Variants in MTMR7 observed in about 807,000 individuals in gnomAD.
MTMR7 encodes the protein myotubularin related protein 7.
A neutral mutation model predicts 81.2 loss-of-function variants in MTMR7; 76 were observed. That is an observed-to-expected ratio of 0.94 (90% CI 0.78 to 1.13). The LOEUF is 1.13. Ranked by LOEUF, MTMR7 falls within the 50% of genes most tolerant of loss-of-function variation. The probability of loss-of-function intolerance (pLI) is 0.00; values close to 1 mark genes in which losing one functional copy is unlikely to be tolerated. For missense variants in MTMR7, 1,044 were observed against 820.0 expected (o/e 1.27, Z -3.34); for synonymous variants, 372 against 289.8 (o/e 1.28, Z -2.88).
intron 10 of MTMR7, among the ~76,000 whole-genome samples, chr8:17,307,712 A>G (rs1474004652): frequency 2.6e-5 from 4 of 152,234 alleles, no homozygotes; most frequent in African/African-American, 7.2e-5. Context: ...AGCCATAAAA[A>G]ATGATGAGTT....
chr8:17,309,804 C>T (rs776545089), intron 9 of MTMR7, among the ~76,000 whole-genome samples: 2 of 152,128 alleles, frequency 1.3e-5, no homozygotes, highest in Non-Finnish European at 2.9e-5. Flanking sequence ...TTACCAACCT[C>T]TTTACAAAAA....
intron 4 of MTMR7, 39 bp from the exon 5 acceptor site, chr8:17,349,120 A>G: frequency 6.2e-7 from 1 of 1,600,130 alleles, no homozygotes; most frequent in South Asian, 1.1e-5. Flanking sequence ...TAGGCCATCT[A>G]GTAATGCCCT....
chr8:17,405,168 T>G (rs972674771), intron 1 of MTMR7, among the ~76,000 whole-genome samples: 1 of 152,224 alleles, frequency 6.6e-6, no homozygotes, highest in African/African-American at 2.4e-5. Context: ...TTATTTATTA[T>G]AGTGACAATA....
intron 13 of MTMR7, 84 bp downstream of exon 13, chr8:17,302,070 A>C: frequency 6.4e-7 from 1 of 1,558,864 alleles, no homozygotes; most frequent in Non-Finnish European, 8.8e-7. Flanking sequence ...TTTGTATTGC[A>C]CTGAATCTTA....
At chr8:17,301,351 C>T (rs1239898509) in intron 13 of MTMR7, among the ~76,000 whole-genome samples, 2 of 152,162 alleles carry the variant, frequency 1.3e-5, no homozygotes. Flanking sequence ...AACATTTTAA[C>T]AGGACTGTGA....
chr8:17,335,579 T>A (rs1819211631), intron 6 of MTMR7, among the ~76,000 whole-genome samples: 1 of 152,180 alleles, frequency 6.6e-6, no homozygotes, highest in Non-Finnish European at 1.5e-5. Flanking sequence ...TACAAGCTGA[T>A]CTTGGCAGGA....
chr8:17,341,859 A>G (rs1819416749), intron 5 of MTMR7, among the ~76,000 whole-genome samples: 1 of 152,200 alleles, frequency 6.6e-6, no homozygotes. Context: ...TCTCAAATGC[A>G]TAGGATACGA....
chr8:17,371,173 A>C lies in MTMR7; in HGVS notation c.174T>G (p.Ile58Met). 1 of 1,614,148 alleles carries C rather than the reference A, an allele frequency of 6.2e-7. No homozygotes were observed. The highest frequency in any genetic ancestry group is 8.5e-7 in the Non-Finnish European group (1 of 1,180,012). The change falls in exon 3 of 14, where the codon ATT (isoleucine) becomes ATG (methionine). Residue 58 changes from isoleucine (I) to methionine (M), a missense_variant. Transcript: ENST00000180173. Reference protein sequence around the residue: ...TWILHSQISTIEKQATTATGC... With the variant: ...TWILHSQISTMEKQATTATGC... The stretch of plus-strand genomic sequence containing the variant: ...CGGTAGCGGTTGTTGCCTGTTTCTC[A>C]ATGGTGGAAATCTGACTGTGAAGAA...
At chr8:17,359,079 T>G (rs1257165909) in intron 4 of MTMR7, among the ~76,000 whole-genome samples, 2 of 151,966 alleles carry the variant, frequency 1.3e-5, no homozygotes, top group African/African-American at 4.8e-5. Flanking sequence ...ATTGCTTTTG[T>G]GGGAATGGGG....
chr8:17,327,185 T>C (rs1471328749), intron 7 of MTMR7, among the ~76,000 whole-genome samples: 2 of 152,240 alleles, frequency 1.3e-5, no homozygotes, highest in Admixed American at 6.5e-5. Context: ...GTAAAATTAA[T>C]CAGTCTACTA....
chr8:17,413,336 G>C lies in MTMR7; in HGVS notation c.-44C>G. The C allele has an allele frequency of 6.6e-7, 1 of 1,509,796 alleles. No individual in the cohort carries two copies. Among genetic ancestry groups the C allele is most frequent in the Non-Finnish European group, 8.9e-7 (1 of 1,128,816 alleles). 93.5% of individuals were successfully genotyped at this position (1,509,796 alleles called of 1,614,324 possible). A position where few individuals can be genotyped will look rare whatever the true frequency, so the allele number is the denominator to read the frequency against. On this transcript the variant is annotated 5_prime_UTR_variant, in exon 1 of 14. Coordinates refer to ENST00000180173, the MANE Select transcript of MTMR7 (RefSeq NM_004686.5). The stretch of plus-strand genomic sequence containing the variant: ...GGGTCCCGGGCGGGCGCGGCCTCAC[G>C]CACCTGCGCGCCTCTGCGGCGCGAT...
rs183643348 is a variant in MTMR7, at chr8:17,403,140, T to C, written c.24+10129A>G. On this transcript the variant is annotated intron_variant, in intron 1 of 13. Transcript: ENST00000180173. ...AGTTGTTTGAGCCCCTTATATATTC[T>C]GGTTATTACTCCCTTGTCAGATGGA... 2.5e-4 allele frequency among the ~76,000 whole-genome samples: 38 copies of C among 152,338 alleles called. No homozygotes were observed. The East Asian group carries it at 7.3e-3, about 29-fold the overall frequency.
intron 1 of MTMR7, among the ~76,000 whole-genome samples, chr8:17,403,483 T>G (rs925647207): frequency 6.6e-6 from 1 of 152,158 alleles, no homozygotes; most frequent in African/African-American, 2.4e-5. Context: ...ACGGTAGCTC[T>G]GTAGTATAAT....
At chr8:17,339,344 G>C (rs541722133) in intron 6 of MTMR7, among the ~76,000 whole-genome samples, 1 of 152,196 alleles carries the variant, frequency 6.6e-6, no homozygotes, top group East Asian at 1.9e-4. Flanking sequence ...CCACAGAGTT[G>C]TGCAACCATC....
chr8:17,313,440 ACT>A (rs765894387), intron 7 of MTMR7, 39 bp from the exon 8 acceptor site: 7 of 1,308,176 alleles, frequency 5.4e-6, no homozygotes, highest in African/African-American at 4.4e-5. Flanking sequence ...AAATTAAGGT[ACT>A]CTCTCATTTT....
At chr8:17,308,678 G>A (rs936665794) in intron 10 of MTMR7, among the ~76,000 whole-genome samples, 13 of 152,156 alleles carry the variant, frequency 8.5e-5, no homozygotes, top group Admixed American at 2.6e-4. Flanking sequence ...CATCAACACT[G>A]ACAAAAGGAG....
rs1819651445 is a variant in MTMR7 at position 17,349,118 on chromosome 8, C to T, written c.469-37G>A. On this transcript the variant is annotated intron_variant, in intron 4 of 13. Transcript: ENST00000180173. Reference sequence around the variant, plus strand: ...AAATACAAAGAGATTTTTAGGCCATCTAGTAATGCCCTGCGAACTGCCCCC... The same window carrying T: ...AAATACAAAGAGATTTTTAGGCCATTTAGTAATGCCCTGCGAACTGCCCCC... 3 of 1,604,792 alleles carry T rather than the reference C, an allele frequency of 1.9e-6. No individual in the cohort carries two copies. In the Admixed American group the frequency reaches 5.1e-5, roughly 27 times the overall value.
At chr8:17,371,671 T>C (rs1298580964) in intron 2 of MTMR7, among the ~76,000 whole-genome samples, 3 of 152,304 alleles carry the variant, frequency 2.0e-5, no homozygotes, top group East Asian at 1.9e-4. Context: ...TTCTAAGCTG[T>C]TGGTGGTCGG....
At chr8:17,383,083 T>TG (rs1002644300) in intron 1 of MTMR7, among the ~76,000 whole-genome samples, 1 of 151,578 alleles carries the variant, frequency 6.6e-6, no homozygotes, top group East Asian at 1.9e-4. Context: ...ATCCACCACC[T>TG]GGGGGGTGTG....
Sources: allele counts gnomAD v4.1 joint callset (sites outside exome capture counted in the v4.1 genomes callset), GRCh38; gene constraint gnomAD v4.1.1; transcripts MANE v1.5; gene names NCBI Gene and HGNC (gene_info 2026-07-23, HGNC 2026-07-21).